The following SNAPC4 variants were observed in gnomAD, a reference collection of about 807,000 sequenced individuals.
SNAPC4 encodes small nuclear RNA activating complex polypeptide 4.
SNAPC4 carries 127 observed loss-of-function variants against 151.3 expected under a neutral mutation model. The ratio of observed to expected loss-of-function variants is 0.84; its 90% CI spans 0.73 to 0.97. The LOEUF (loss-of-function observed/expected upper bound fraction) is 0.97, where lower values mean the gene tolerates loss of function less well. Among genes scored for constraint, SNAPC4 ranks in the 50% least tolerant of loss-of-function variants. The pLI is 0.00. For synonymous variants in SNAPC4, 1,002 were observed against 824.4 expected, an observed-to-expected ratio of 1.22 and a Z score of -3.69; for missense variants, 2,186 against 1,935.0, an observed-to-expected ratio of 1.13 and a Z score of -2.43.
At chr9:136,400,013 C>G in intron 1 of SNAPC4, 121 bp downstream of exon 1, 1 of 152,126 alleles carries the variant, frequency 6.6e-6, no homozygotes. Context: ...CGACTTTGGG[C>G]GCTGCCCCGC....
Position 136,394,789 on chromosome 9 carries a change from A to G in SNAPC4, c.550+11T>C. The G allele has an allele frequency of 9.3e-6, 15 of 1,613,226 alleles. No homozygotes were observed. Among genetic ancestry groups the G allele is most frequent in the Non-Finnish European group, 1.2e-5 (14 of 1,179,488 alleles). On this transcript the variant is annotated intron_variant, in intron 6 of 23. Coordinates refer to ENST00000684778, the MANE Select transcript of SNAPC4 (RefSeq NM_003086.4). ...GCTCAGGGGTGCCGCAGGGCCGGCC[A>G]GGGCTCTTACATTTGGTCACAAGGA... is the stretch of plus-strand genomic sequence containing the variant.
At position 136,378,787 on chromosome 9, in the gene SNAPC4, T is replaced by C. The variant is rs373206906; in HGVS notation, c.3040A>G (p.Ile1014Val). 28 of 1,557,746 alleles carry C rather than the reference T, an allele frequency of 1.8e-5. No individual in the cohort carries two copies. In the African/African-American group the frequency reaches 2.9e-4, roughly 16 times the overall value. The change falls in exon 22 of 24, where the codon ATC (isoleucine) becomes GTC (valine). Residue 1014 changes from isoleucine to valine, a missense_variant. Ile to Val is a conservative substitution (Grantham distance 29, BLOSUM62 3). Transcript: ENST00000684778. ...SQAPALGPGQISVSCPESGLG... is the reference protein window; with the variant it reads ...SQAPALGPGQVSVSCPESGLG... ...CCACTCTCGGGGCAGCTCACAGAGA[T>C]CTGGCCGGGGCCCAGGGCAGGGGCT...
At chr9:136,388,770 G>A (rs1325067025) in intron 10 of SNAPC4, among the ~76,000 whole-genome samples, 179 bp from the exon 11 acceptor site, 1 of 152,218 alleles carries the variant, frequency 6.6e-6, no homozygotes, top group Non-Finnish European at 1.5e-5. Flanking sequence ...ACGGTAGGAA[G>A]ACAATACACT....
chr9:136,385,332 G>T (rs115599713), intron 13 of SNAPC4, among the ~76,000 whole-genome samples: 3,171 of 152,232 alleles, frequency 0.021, 112 homozygotes, highest in African/African-American at 0.071. Context: ...TTCCTAGTGG[G>T]AATACGAAAT....
chr9:136,382,964 G>C lies in SNAPC4; in HGVS notation c.1983+222C>G, dbSNP rs575164593. 2.6e-5 allele frequency among the ~76,000 whole-genome samples: 4 copies of C among 152,262 alleles called. No individual in the cohort carries two copies. In the South Asian group the frequency reaches 8.3e-4, roughly 32 times the overall value. On this transcript the variant is annotated intron_variant, in intron 16 of 23. Transcript: ENST00000684778. ...TTCAGAAATGCCTCCAGGTCCAAGT[G>C]CCCATTCAGCCATACCCCTGAAACA... is the stretch of plus-strand genomic sequence containing the variant.
At chr9:136,395,546 G>T (rs936472663) in intron 4 of SNAPC4, 57 bp downstream of exon 4, 2 of 1,571,022 alleles carry the variant, frequency 1.3e-6, no homozygotes, top group Admixed American at 1.8e-5. Flanking sequence ...AGGCCCAGCT[G>T]TGGGGGGCTC....
At chr9:136,389,926 G>T (rs977466426) in intron 10 of SNAPC4, among the ~76,000 whole-genome samples, 1 of 152,200 alleles carries the variant, frequency 6.6e-6, no homozygotes, top group Non-Finnish European at 1.5e-5. Flanking sequence ...TCTGGCGGGG[G>T]AAAGTGCTGG....
Position 136,380,756 on chromosome 9 carries a change from G to A in SNAPC4, c.2483C>T (p.Pro828Leu). 6.2e-7 allele frequency: 1 copy of A among 1,600,522 alleles called. No homozygotes were observed. The highest frequency in any genetic ancestry group is 8.6e-7 in the Non-Finnish European group (1 of 1,168,748). ...RLPQAGARDP[P>L]VHLLQASSSA... Reference sequence around the variant, plus strand: ...GCCTGCTACCTGCAGAAGATGAACTGGTGGGTCCCGAGCACCAGCCTGGGG... The same window carrying A: ...GCCTGCTACCTGCAGAAGATGAACTAGTGGGTCCCGAGCACCAGCCTGGGG... The change falls in exon 20 of 24, where the codon CCA becomes CTA. Residue 828 changes from proline to leucine, a missense_variant. By Grantham distance (98) the Pro-to-Leu change is moderately conservative (BLOSUM62 -3). Transcript: ENST00000684778.
intron 6 of SNAPC4, 116 bp downstream of exon 6, chr9:136,394,684 A>G: frequency 3.4e-6 from 3 of 884,684 alleles, no homozygotes; most frequent in Non-Finnish European, 5.4e-6. Flanking sequence ...GGCCTGAAGG[A>G]GCCATGAGGT....
At chr9:136,385,324 C>G (rs4307445) in intron 13 of SNAPC4, among the ~76,000 whole-genome samples, 63,401 of 152,062 alleles carry the variant, frequency 0.42, 13,418 homozygotes, top group Admixed American at 0.52. Context: ...CTCATACATT[C>G]CTAGTGGGAA....
intron 23 of SNAPC4, among the ~76,000 whole-genome samples, 197 bp from the exon 24 acceptor site, chr9:136,375,997 C>T (rs1260280851): frequency 1.3e-5 from 2 of 152,162 alleles, no homozygotes; most frequent in East Asian, 1.9e-4. Context: ...CTGGTGGCTG[C>T]GGTTGGGGAT....
At position 136,378,693 on chromosome 9, in the gene SNAPC4, G is replaced by A. The variant is rs189745921; in HGVS notation, c.3134C>T (p.Pro1045Leu). The part of the protein sequence containing the change: ...QGLPEAPPFL[P>L]AAPSPTPLPV... ...CAGTGGGGTGGGGCTGGGGGCTGCG[G>A]GGAGAAAGGGTGGCGCCTCAGGCAG... Residue 1045 changes from proline (P) to leucine (L), a missense_variant, in exon 22 of 24, where the codon CCC becomes CTC. Pro to Leu is a moderately conservative substitution (Grantham distance 98). Coordinates refer to ENST00000684778, the MANE Select transcript of SNAPC4 (RefSeq NM_003086.4). 39 of 1,496,042 alleles carry A rather than the reference G, an allele frequency of 2.6e-5. No homozygotes were observed. The African/African-American group carries it at 5.0e-4, about 19-fold the overall frequency. 92.7% of individuals were successfully genotyped at this position (1,496,042 alleles called of 1,614,324 possible). A position where few individuals can be genotyped will look rare whatever the true frequency, so the allele number is the denominator to read the frequency against.
intron 7 of SNAPC4, 140 bp downstream of exon 7, chr9:136,394,109 G>A (rs1243033575): frequency 8.2e-6 from 6 of 729,092 alleles, no homozygotes; most frequent in South Asian, 1.5e-5. Context: ...GAAGAGATGG[G>A]GTCTCACCAT....
chr9:136,375,851 C>A (rs1009384551), intron 23 of SNAPC4, 51 bp from the exon 24 acceptor site: 1 of 152,480 alleles, frequency 6.6e-6, no homozygotes, highest in African/African-American at 2.4e-5. Flanking sequence ...CAGCCAGACC[C>A]CAAGCAGGGC....
rs146528887 is a variant in SNAPC4, at chr9:136,376,273, G to A, written c.*7+76C>T. The A allele has an allele frequency of 6.9e-4, 1,068 of 1,557,588 alleles. 5 individuals carry two copies. In the Middle Eastern group the frequency reaches 0.019, roughly 27 times the overall value. Reference sequence around the variant, plus strand: ...GTGAGCGCCAAAGAGCCGAGCAGAGGCCAAGGCCCCCTGCCATCTGGACAC... The same window carrying A: ...GTGAGCGCCAAAGAGCCGAGCAGAGACCAAGGCCCCCTGCCATCTGGACAC... On this transcript the variant is annotated intron_variant, in intron 23 of 23. Transcript: ENST00000684778.
At chr9:136,398,539 C>A in intron 1 of SNAPC4, 102 bp from the exon 2 acceptor site, 1 of 1,354,326 alleles carries the variant, frequency 7.4e-7, no homozygotes, top group South Asian at 1.3e-5. Flanking sequence ...GGAGCCTGCT[C>A]GGCAGTGGGC....
At position 136,383,823 on chromosome 9, in the gene SNAPC4, C is replaced by T; in HGVS notation, c.1500+130G>A. On this transcript the variant is annotated intron_variant, in intron 15 of 23. Transcript: ENST00000684778. This position sits in a 1 kb window ranked among gnomAD's most constrained non-coding sequence, Gnocchi z 4.2. ...AGGCAGGGTCTCCCTTTGCCCTTGG[C>T]CACCCAGAAGAAGAAATGCCAAGAC... The T allele has an allele frequency of 1.5e-6, 2 of 1,344,400 alleles. No individual in the cohort carries two copies. The highest frequency in any genetic ancestry group is 1.3e-5 in the South Asian group (1 of 79,694). The allele number at this position is 1,344,400 out of a possible 1,614,324, so 83.3% of individuals were successfully genotyped here.
chr9:136,392,440 T>C, intron 9 of SNAPC4, 82 bp downstream of exon 9: 1 of 1,382,242 alleles, frequency 7.2e-7, no homozygotes, highest in East Asian at 2.3e-5. Context: ...GGGTGTGGCC[T>C]TACCACCCAA....
chr9:136,396,257 G>A (rs1448030837), intron 3 of SNAPC4, among the ~76,000 whole-genome samples: 1 of 152,244 alleles, frequency 6.6e-6, no homozygotes, highest in Admixed American at 6.5e-5. Context: ...CACAGAAGGT[G>A]AACCACACAG....
Sources: allele counts gnomAD v4.1 joint callset (sites outside exome capture counted in the v4.1 genomes callset), GRCh38; gene constraint gnomAD v4.1.1; non-coding constraint Gnocchi (gnomAD v3.1); transcripts MANE v1.5; gene names NCBI Gene and HGNC (gene_info 2026-07-23, HGNC 2026-07-21).